Variants in MYO5B observed in about 807,000 individuals in gnomAD.
MYO5B encodes myosin VB.
In MYO5B, 143 loss-of-function variants were observed where a neutral mutation model predicts 229.3. That is an observed-to-expected ratio of 0.62 (90% CI 0.54 to 0.72). MYO5B has a LOEUF of 0.72. Ranked by LOEUF, MYO5B falls within the 30% of genes least tolerant of loss-of-function variation. The pLI is 0.00. For missense variants in MYO5B, 2,321 were observed against 2,331.0 expected, an observed-to-expected ratio of 1.00 and a Z score of 0.09; for synonymous variants, 918 against 885.2, an observed-to-expected ratio of 1.04 and a Z score of -0.66.
In MYO5B at chr18:49,826,184, TTA is replaced by T. The variant is rs1261329562; in HGVS notation, c.*285_*286del. 2.5e-6 allele frequency: 1 copy of T among 405,540 alleles called. No individual in the cohort carries two copies. Among genetic ancestry groups the T allele is most frequent in the Non-Finnish European group, 4.6e-6 (1 of 217,178 alleles). The allele number at this position is 405,540 out of a possible 1,614,324, so 25.1% of individuals were successfully genotyped here. On this transcript the variant is annotated 3_prime_UTR_variant, in exon 40 of 40. Coordinates refer to ENST00000285039, the MANE Select transcript of MYO5B (RefSeq NM_001080467.3). ...CTTCGTTTTATAGAATTGACACCTT[TTA>T]TATGTCTATGGGGACTGCTTGGTGT...
At chr18:49,923,267 T>C (rs1383977331) in intron 17 of MYO5B, among the ~76,000 whole-genome samples, 1 of 152,202 alleles carries the variant, frequency 6.6e-6, no homozygotes, top group Non-Finnish European at 1.5e-5. Flanking sequence ...TTATATGTTG[T>C]TCTGTTTCAA....
rs185551859 is a variant in MYO5B, at chr18:49,834,271, T to C, written c.5394+1073A>G. Among the ~76,000 whole-genome samples, 13 of 152,312 alleles carry C rather than the reference T, an allele frequency of 8.5e-5. No homozygotes were observed. The East Asian group carries it at 1.7e-3, about 20-fold the overall frequency. On this transcript the variant is annotated intron_variant, in intron 39 of 39. Coordinates refer to ENST00000285039, the MANE Select transcript of MYO5B (RefSeq NM_001080467.3). ...GATAAACCTCCATTTGGTTCCCTTT[T>C]TCCTGACTCTCCCTCTGATGACTTC...
chr18:49,918,984 G>T (rs748015310), intron 17 of MYO5B, among the ~76,000 whole-genome samples: 4 of 152,172 alleles, frequency 2.6e-5, no homozygotes, highest in African/African-American at 9.7e-5. Context: ...ATGCGGTATG[G>T]TGGCTCTACC....
chr18:50,154,043 C>T (rs2032641463), intron 1 of MYO5B, among the ~76,000 whole-genome samples: 2 of 152,266 alleles, frequency 1.3e-5, no homozygotes, highest in Middle Eastern at 3.4e-3. Flanking sequence ...ACACAGGACC[C>T]TTCTCTGCCT....
chr18:49,862,538 C>T (rs1323969935), intron 29 of MYO5B, among the ~76,000 whole-genome samples: 2 of 152,170 alleles, frequency 1.3e-5, no homozygotes, highest in African/African-American at 4.8e-5. Context: ...GCTACTAAAC[C>T]GTGAGGAGTG....
At chr18:49,856,478 G>A (rs1258684963) in intron 30 of MYO5B, among the ~76,000 whole-genome samples, 1 of 152,184 alleles carries the variant, frequency 6.6e-6, no homozygotes, top group African/African-American at 2.4e-5. Flanking sequence ...ATTCCCCAGA[G>A]GTATGTTTCC....
At chr18:50,089,736 C>T (rs988978176) in intron 1 of MYO5B, among the ~76,000 whole-genome samples, 6 of 152,182 alleles carry the variant, frequency 3.9e-5, no homozygotes, top group African/African-American at 1.4e-4. Flanking sequence ...ACAAACGTTT[C>T]TTGTAAAGTC....
chr18:50,044,588 G>T (rs1045187818), intron 2 of MYO5B, among the ~76,000 whole-genome samples: 1 of 152,120 alleles, frequency 6.6e-6, no homozygotes, highest in Non-Finnish European at 1.5e-5. Context: ...CTAGATGAGT[G>T]AGAGTGGCAG....
At position 49,878,968 on chromosome 18, in the gene MYO5B, G is replaced by A. The variant is rs61737444; in HGVS notation, c.3253C>T (p.Arg1085Trp). 17 of 1,614,130 alleles carry A rather than the reference G, an allele frequency of 1.1e-5. No individual in the cohort carries two copies. Among genetic ancestry groups the A allele is most frequent in the African/African-American group, 5.3e-5 (4 of 75,024 alleles). Residue 1085 changes from arginine (R) to tryptophan (W), a missense_variant, in exon 24 of 40, where the codon CGG (arginine) becomes TGG (tryptophan). Transcript: ENST00000285039. ...GCCTTTATGATGGTCATTTCATCCC[G>A]AAGGTTGTCGTATCTCTGCTCCAAC... ...SQLEQRYDNL[R>W]DEMTIIKQTP...
At chr18:50,072,391 A>T (rs924500591) in intron 1 of MYO5B, among the ~76,000 whole-genome samples, 1 of 152,164 alleles carries the variant, frequency 6.6e-6, no homozygotes, top group African/African-American at 2.4e-5. Flanking sequence ...TGGGAGAGAG[A>T]CAAGAGTGAG....
chr18:50,172,288 CAAA>C (rs55973734), intron 1 of MYO5B, among the ~76,000 whole-genome samples: 14 of 90,496 alleles, frequency 1.5e-4, no homozygotes, highest in East Asian at 1.2e-3. Flanking sequence ...CAAAAAAAGA[CAAA>C]AAAAAAAAAA....
At chr18:49,851,306 T>C (rs2024198078) in intron 31 of MYO5B, among the ~76,000 whole-genome samples, 1 of 152,208 alleles carries the variant, frequency 6.6e-6, no homozygotes, top group Non-Finnish European at 1.5e-5. Context: ...GGTGGCTTTG[T>C]GCTAAGACAT....
intron 2 of MYO5B, among the ~76,000 whole-genome samples, chr18:50,044,652 G>A (rs545492620): frequency 2.4e-4 from 36 of 152,202 alleles, no homozygotes; most frequent in African/African-American, 7.7e-4. Flanking sequence ...GGGTAGCCCC[G>A]AGCCCCATGT....
intron 18 of MYO5B, among the ~76,000 whole-genome samples, chr18:49,909,353 T>C (rs1429701506): frequency 6.6e-6 from 1 of 152,210 alleles, no homozygotes; most frequent in Admixed American, 6.5e-5. Context: ...TCAGACTGGA[T>C]CAGAGGGCAA....
rs1303747600 is a variant in MYO5B at position 49,858,309 on chromosome 18, C to G, written c.3945-1419G>C. Among the ~76,000 whole-genome samples, 5 of 151,230 alleles carry G rather than the reference C, an allele frequency of 3.3e-5. No homozygotes were observed. The East Asian group carries it at 9.8e-4, about 30-fold the overall frequency. The stretch of plus-strand genomic sequence containing the variant: ...GGCCTTTCATGGCTGGTGCTTTAAC[C>G]CAAAGGCACAGCTCACTGGAGGACT... On this transcript the variant is annotated intron_variant, in intron 29 of 39. Transcript: ENST00000285039.
chr18:49,974,583 T>A lies in MYO5B; in HGVS notation c.1089A>T (p.Arg363=). 1 of 1,614,026 alleles carries A rather than the reference T, an allele frequency of 6.2e-7. No individual in the cohort carries two copies. The highest frequency in any genetic ancestry group is 1.7e-5 in the Admixed American group (1 of 60,008). ...PQDVYLSNFC[R]LLGVEHSQME... is the part of the protein sequence containing the mutation. ...TCTGACTGTGCTCCACCCCTAGCAGTCGGCAGAAGTTGCTTAGGTATACAT... is the reference window on the plus strand; with the variant it reads ...TCTGACTGTGCTCCACCCCTAGCAGACGGCAGAAGTTGCTTAGGTATACAT... Residue 363 remains arginine, a synonymous_variant, in exon 10 of 40, where the codon CGA becomes CGT. Transcript: ENST00000285039.
chr18:50,020,465 T>A (rs1310401818), intron 4 of MYO5B, among the ~76,000 whole-genome samples: 2 of 152,232 alleles, frequency 1.3e-5, no homozygotes, highest in African/African-American at 2.4e-5. Context: ...GAGCTCTGGA[T>A]CCTACCTGAA....
At chr18:50,090,055 C>G (rs1188208855) in intron 1 of MYO5B, among the ~76,000 whole-genome samples, 2 of 152,218 alleles carry the variant, frequency 1.3e-5, no homozygotes, top group African/African-American at 4.8e-5. Context: ...GGGGTTCCCT[C>G]TCTCGGCTTT....
At chr18:50,091,205 G>A (rs1013438975) in intron 1 of MYO5B, among the ~76,000 whole-genome samples, 18 of 152,230 alleles carry the variant, frequency 1.2e-4, no homozygotes, top group Middle Eastern at 3.4e-3. Context: ...TCATTCAGAC[G>A]CACTGGAAGT....
Sources: gnomAD v4.1 joint callset for allele counts (sites outside exome capture counted in the v4.1 genomes callset) on GRCh38, gnomAD v4.1.1 for gene constraint, MANE v1.5 for transcripts, NCBI Gene and HGNC (gene_info 2026-07-23, HGNC 2026-07-21) for gene names.